The following POMGNT1 variants were observed in gnomAD, a reference collection of about 807,000 sequenced individuals.
POMGNT1 encodes protein O-linked-mannose beta-1,2-N-acetylglucosaminyltransferase 1.
In POMGNT1, 67 loss-of-function variants were observed where a neutral mutation model predicts 95.6. The ratio of observed to expected loss-of-function variants is 0.70; its 90% CI spans 0.58 to 0.86. The LOEUF is 0.86. POMGNT1 is among the 40% of genes least tolerant of loss of function. The pLI is 0.00. For synonymous variants in POMGNT1, 298 were observed against 317.9 expected (o/e 0.94, Z 0.66); for missense variants, 719 against 855.2 (o/e 0.84, Z 1.99).
At chr1:46,219,954 G>A in exon 1 of POMGNT1, 1 of 1,614,268 alleles carries the variant, frequency 6.2e-7, no homozygotes, top group South Asian at 1.1e-5. Flanking sequence ...GGACACAGTG[G>A]CCCCCAGCGA....
At chr1:46,202,906 TG>T (rs781252454), upstream of POMGNT1, among the ~76,000 whole-genome samples, 99 of 7,568 alleles carry the variant, frequency 0.013, 11 homozygotes, top group African/African-American at 0.026. Flanking sequence ...TTCTAGCCCC[TG>T]GGGGGGGGGG....
At chr1:46,193,089 G>A in intron 13 of POMGNT1, 85 bp downstream of exon 13, 2 of 1,606,104 alleles carry the variant, frequency 1.2e-6, no homozygotes, top group Non-Finnish European at 1.7e-6. Context: ...CCCAGTGAGG[G>A]GAAGAGCTTG....
Position 46,194,545 on chromosome 1 carries a change from A to G in POMGNT1, c.751+8T>C, listed in dbSNP as rs1553163692. On this transcript the variant is annotated splice_region_variant and intron_variant, in intron 8 of 21. Coordinates refer to ENST00000371984, the MANE Select transcript of POMGNT1 (RefSeq NM_017739.4). ...GGCCCTGCCCCATCCATGCTCCACTAACTCCACCTTCTGCTGAGCTCAATG... is the reference window on the plus strand; with the variant it reads ...GGCCCTGCCCCATCCATGCTCCACTGACTCCACCTTCTGCTGAGCTCAATG... The G allele has an allele frequency of 1.2e-6, 2 of 1,613,880 alleles. No individual in the cohort carries two copies. The highest frequency in any genetic ancestry group is 2.7e-5 in the African/African-American group (2 of 74,960).
In POMGNT1 at chr1:46,197,489, G is replaced by A. The variant is rs933118100; in HGVS notation, c.120+213C>T. 5.4e-6 allele frequency: 8 copies of A among 1,485,796 alleles called. No individual in the cohort carries two copies. The African/African-American group carries it at 5.6e-5, about 10-fold the overall frequency. 92.0% of individuals were successfully genotyped at this position (1,485,796 alleles called of 1,614,324 possible). On this transcript the variant is annotated intron_variant, in intron 2 of 21. Coordinates refer to ENST00000371984, the MANE Select transcript of POMGNT1 (RefSeq NM_017739.4). ...CAGCCTGATCAGACTTCAGGCTTCCGTCAGAAGCTTAGAAGTTGTACTTGG... is the reference window on the plus strand; with the variant it reads ...CAGCCTGATCAGACTTCAGGCTTCCATCAGAAGCTTAGAAGTTGTACTTGG...
chr1:46,215,446 G>T (rs1476845974), intron 1 of POMGNT1, among the ~76,000 whole-genome samples: 1 of 152,164 alleles, frequency 6.6e-6, no homozygotes, highest in Non-Finnish European at 1.5e-5. Context: ...TAACTCAATA[G>T]ATGAAAATAA....
At chr1:46,197,199 C>T in intron 2 of POMGNT1, 115 bp from the exon 3 acceptor site, 3 of 1,597,642 alleles carry the variant, frequency 1.9e-6, no homozygotes, top group Non-Finnish European at 2.5e-6. Flanking sequence ...GGGTCCTGTC[C>T]CTTCCTCTGT....
chr1:46,197,849 G>A lies in POMGNT1; in HGVS notation c.-28C>T. ...CGGATTGGCGGGTCACCAATGTCCT[G>A]GCCAGCCCATGACTTCAGGAATCTG... On this transcript the variant is annotated 5_prime_UTR_variant, in exon 2 of 22. Coordinates refer to ENST00000371984, the MANE Select transcript of POMGNT1 (RefSeq NM_017739.4). 5 of 1,613,262 alleles carry A rather than the reference G, an allele frequency of 3.1e-6. No homozygotes were observed. Among genetic ancestry groups the A allele is most frequent in the Non-Finnish European group, 4.2e-6 (5 of 1,179,960 alleles).
chr1:46,200,382 A>G (rs530528502), upstream of POMGNT1, among the ~76,000 whole-genome samples: 1 of 152,190 alleles, frequency 6.6e-6, no homozygotes, highest in African/African-American at 2.4e-5. Flanking sequence ...GGCCCCTCTA[A>G]CGCAACAGCA....
Position 46,198,371 on chromosome 1 carries a change from A to C in POMGNT1, c.-86T>G, listed in dbSNP as rs993747868. On this transcript the variant is annotated 5_prime_UTR_variant, in exon 1 of 22. Transcript: ENST00000371984. ...CCCCGGGCCCCGCTCGGGCCCCGCT[A>C]GGGCCCTCACTGCTCGGCCCGGCTC... 6 of 152,558 alleles carry C rather than the reference A, an allele frequency of 3.9e-5. No homozygotes were observed. The highest frequency in any genetic ancestry group is 1.8e-4 in the South Asian group (1 of 5,650). The allele number at this position is 152,558 out of a possible 1,614,324, so 9.5% of individuals were successfully genotyped here. A position where few individuals can be genotyped will look rare whatever the true frequency, so the allele number is the denominator to read the frequency against.
chr1:46,190,339 C>A, intron 19 of POMGNT1, 134 bp downstream of exon 19: 1 of 1,232,394 alleles, frequency 8.1e-7, no homozygotes, highest in Non-Finnish European at 1.2e-6. Context: ...CCACCGCGCC[C>A]GGCCTGAAGT....
intron 12 of POMGNT1, 42 bp downstream of exon 12, chr1:46,193,262 CA>C (rs1470462800): frequency 6.2e-7 from 1 of 1,614,004 alleles, no homozygotes; most frequent in Admixed American, 1.7e-5. Flanking sequence ...GGGTAGAAGG[CA>C]GAGCCAGGTG....
chr1:46,218,839 C>T (rs962700066), intron 1 of POMGNT1, among the ~76,000 whole-genome samples: 3 of 152,062 alleles, frequency 2.0e-5, no homozygotes, highest in Admixed American at 2.0e-4. Flanking sequence ...CCTTTCCCCT[C>T]TCGGTGGCTG....
chr1:46,215,933 A>G (rs147781883), intron 1 of POMGNT1, among the ~76,000 whole-genome samples: 4 of 152,138 alleles, frequency 2.6e-5, no homozygotes, highest in African/African-American at 4.8e-5. Context: ...CAATGCCTTA[A>G]CCCCTGAGGA....
At chr1:46,206,408 G>A (rs1658718619) in intron 1 of POMGNT1, among the ~76,000 whole-genome samples, 1 of 152,052 alleles carries the variant, frequency 6.6e-6, no homozygotes, top group Non-Finnish European at 1.5e-5. Flanking sequence ...GATTTATATT[G>A]AGCAATGAGG....
At position 46,189,459 on chromosome 1, in the gene POMGNT1, A is replaced by G; in HGVS notation, c.1894T>C (p.Ser632Pro). 1 of 1,613,602 alleles carries G rather than the reference A, an allele frequency of 6.2e-7. No individual in the cohort carries two copies. Among genetic ancestry groups the G allele is most frequent in the Non-Finnish European group, 8.5e-7 (1 of 1,179,778 alleles). Reference protein sequence around the residue: ...LMVGVPASPYSVKKPPSVTPI... With the variant: ...LMVGVPASPYPVKKPPSVTPI... ...CCAGGGCAGAAAAGGGTCACTCACGAGTAGGGGGAAGCCGGGACCCCCACC... is the reference window on the plus strand; with the variant it reads ...CCAGGGCAGAAAAGGGTCACTCACGGGTAGGGGGAAGCCGGGACCCCCACC... The change falls in exon 21 of 22, where the codon TCA becomes CCA. Residue 632 changes from serine (S) to proline (P), a missense_variant and splice_region_variant. Ser to Pro is a moderately conservative substitution (Grantham distance 74). Transcript: ENST00000371984.
Position 46,189,243 on chromosome 1 carries a change from C to G in POMGNT1, c.*27G>C. 1.2e-6 allele frequency: 2 copies of G among 1,606,194 alleles called. No homozygotes were observed. Among genetic ancestry groups the G allele is most frequent in the South Asian group, 2.2e-5 (2 of 90,042 alleles). On this transcript the variant is annotated 3_prime_UTR_variant, in exon 22 of 22. Coordinates refer to ENST00000371984, the MANE Select transcript of POMGNT1 (RefSeq NM_017739.4). ...AGCCAGCCTGGGGGTACACAGTACC[C>G]AGCCCCGCAGGGTCCTGGAGGAGGT...
intron 2 of POMGNT1, chr1:46,197,428 C>T: frequency 6.7e-7 from 1 of 1,492,172 alleles, no homozygotes. Flanking sequence ...GGTCCTGGCC[C>T]TAACTGCCTC....
At chr1:46,201,709 AAAAAAG>A (rs1419601956), upstream of POMGNT1, among the ~76,000 whole-genome samples, 1 of 151,712 alleles carries the variant, frequency 6.6e-6, no homozygotes, top group East Asian at 1.9e-4. Context: ...AAAAAAAAAA[AAAAAAG>A]AAAAAAGAAA....
intron 6 of POMGNT1, 147 bp from the exon 7 acceptor site, chr1:46,195,108 T>C: frequency 3.9e-6 from 3 of 765,352 alleles, no homozygotes; most frequent in Admixed American, 4.4e-5. Context: ...CTTTCACAGA[T>C]AAAATAATAA....
Sources: allele counts gnomAD v4.1 joint callset (sites outside exome capture counted in the v4.1 genomes callset), GRCh38; gene constraint gnomAD v4.1.1; transcripts MANE v1.5; gene names NCBI Gene and HGNC (gene_info 2026-07-23, HGNC 2026-07-21).